The following GRM5 variants were observed in gnomAD, a reference collection of about 807,000 sequenced individuals.
The protein encoded by GRM5 is glutamate metabotropic receptor 5, also known as metabotropic glutamate receptor 5.
In GRM5, 19 loss-of-function variants were observed where a neutral mutation model predicts 83.1. The observed-to-expected ratio is 0.23, with a 90% CI of 0.16 to 0.34. The LOEUF (loss-of-function observed/expected upper bound fraction) is 0.34. GRM5 is among the 10% of genes least tolerant of loss of function. The probability of loss-of-function intolerance (pLI) is 1.00; values close to 1 mark genes in which losing one functional copy is unlikely to be tolerated. For missense variants in GRM5, 1,160 were observed against 1,588.3 expected (o/e 0.73, Z 4.58); for synonymous variants, 675 against 633.6 (o/e 1.07, Z -0.98).
intron 7 of GRM5, among the ~76,000 whole-genome samples, chr11:88,579,535 G>A (rs1943183790): frequency 6.6e-6 from 1 of 152,152 alleles, no homozygotes; most frequent in South Asian, 2.1e-4. Context: ...ATTTGAGCAA[G>A]GACTTGAGGA....
intron 3 of GRM5, among the ~76,000 whole-genome samples, chr11:88,706,693 A>T (rs1228588647): frequency 6.6e-6 from 1 of 152,106 alleles, no homozygotes; most frequent in Non-Finnish European, 1.5e-5. Flanking sequence ...CCCAGAAATA[A>T]TACAGAAAAT....
chr11:88,646,672 A>C (rs1939462476), intron 4 of GRM5, among the ~76,000 whole-genome samples: 1 of 151,402 alleles, frequency 6.6e-6, no homozygotes, highest in South Asian at 2.1e-4. Flanking sequence ...TGCATACTTG[A>C]AAAGGTGAAA....
chr11:88,830,838 G>A (rs893307608), intron 3 of GRM5, among the ~76,000 whole-genome samples: 6 of 152,116 alleles, frequency 3.9e-5, no homozygotes, highest in Non-Finnish European at 8.8e-5. Context: ...ACGTGCCTGG[G>A]GAGACCTCAC....
chr11:88,769,201 AT>A (rs1420576785), intron 3 of GRM5, among the ~76,000 whole-genome samples: 1 of 152,022 alleles, frequency 6.6e-6, no homozygotes, highest in African/African-American at 2.4e-5. Flanking sequence ...TGGAGTGGGA[AT>A]TTGTGGATTG....
chr11:89,061,047 C>G (rs1941980936), intron 1 of GRM5, among the ~76,000 whole-genome samples: 1 of 152,036 alleles, frequency 6.6e-6, no homozygotes, highest in Admixed American at 6.6e-5. Flanking sequence ...TATATCCAAC[C>G]TCTAAACCAG....
intron 2 of GRM5, among the ~76,000 whole-genome samples, chr11:88,857,917 G>GTGAAA (rs1401928321): frequency 6.6e-6 from 1 of 152,026 alleles, no homozygotes; most frequent in Non-Finnish European, 1.5e-5. Context: ...TATGATTAAT[G>GTGAAA]TGAAAGTTTT....
chr11:88,713,676 G>T (rs927057035), intron 3 of GRM5, among the ~76,000 whole-genome samples: 3 of 151,970 alleles, frequency 2.0e-5, no homozygotes, highest in Non-Finnish European at 4.4e-5. Context: ...ATCATAGAAA[G>T]AAAAACAACA....
At chr11:89,023,578 G>T (rs1385774867) in intron 2 of GRM5, among the ~76,000 whole-genome samples, 2 of 152,090 alleles carry the variant, frequency 1.3e-5, no homozygotes, top group Non-Finnish European at 2.9e-5. Flanking sequence ...AGGGGCTGTG[G>T]CTCACGCCTG....
chr11:88,600,240 TTCC>T (rs142212408), intron 5 of GRM5, among the ~76,000 whole-genome samples: 5,791 of 149,174 alleles, frequency 0.039, 243 homozygotes, highest in African/African-American at 0.099. Context: ...CTCCTCCTCC[TTCC>T]TCCTCCTCCT....
chr11:88,779,635 C>T (rs965463993), intron 3 of GRM5, among the ~76,000 whole-genome samples: 1 of 151,960 alleles, frequency 6.6e-6, no homozygotes, highest in African/African-American at 2.4e-5. Context: ...ACCCTCATAC[C>T]CACCCACGCA....
intron 8 of GRM5, among the ~76,000 whole-genome samples, chr11:88,542,431 CG>C (rs1942288158): frequency 6.6e-6 from 1 of 152,156 alleles, no homozygotes; most frequent in Admixed American, 6.5e-5. Flanking sequence ...AGCAAGCATA[CG>C]TAACAGGCAC....
rs150324601 is a variant in GRM5, at chr11:88,513,392, G to A, written c.2727-3888C>T. Among the ~76,000 whole-genome samples the A allele has an allele frequency of 5.9e-3, 901 of 152,224 alleles. 11 individuals carry two copies. The highest frequency in any genetic ancestry group is 0.02 in the African/African-American group (848 of 41,532). The stretch of plus-strand genomic sequence containing the variant: ...AAAATTTATACTGAATTGTTTTCCT[G>A]TTAGAATTAAGTTTTTAAAATAATT... On this transcript the variant is annotated intron_variant, in intron 9 of 9. Transcript: ENST00000305447.
At chr11:88,736,900 T>TAAG (rs1273244707) in intron 3 of GRM5, among the ~76,000 whole-genome samples, 1 of 152,066 alleles carries the variant, frequency 6.6e-6, no homozygotes, top group African/African-American at 2.4e-5. Flanking sequence ...ACCCCTATGC[T>TAAG]AAGTTTCCCG....
chr11:89,062,710 C>T (rs777694158), intron 1 of GRM5, among the ~76,000 whole-genome samples: 91 of 152,222 alleles, frequency 6.0e-4, no homozygotes, highest in Non-Finnish European at 1.0e-3. Flanking sequence ...GAAATGAGGG[C>T]AGCTGTAAAT....
chr11:89,029,733 T>C (rs1331431256), intron 2 of GRM5, among the ~76,000 whole-genome samples: 1 of 152,166 alleles, frequency 6.6e-6, no homozygotes, highest in African/African-American at 2.4e-5. Context: ...ACTGAAACTT[T>C]TTATTTCCTA....
intron 7 of GRM5, among the ~76,000 whole-genome samples, chr11:88,573,345 A>T (rs1428285043): frequency 6.6e-6 from 1 of 152,136 alleles, no homozygotes; most frequent in Non-Finnish European, 1.5e-5. Flanking sequence ...CACAGCTGGT[A>T]CTCATGCTTA....
intron 1 of GRM5, among the ~76,000 whole-genome samples, chr11:89,065,372 G>T (rs1031109300): frequency 1.3e-5 from 2 of 150,516 alleles, no homozygotes; most frequent in Non-Finnish European, 3.0e-5. Flanking sequence ...GTATCCTTTG[G>T]CTCGGATCTT....
At chr11:88,829,787 T>G (rs1033424471) in intron 3 of GRM5, among the ~76,000 whole-genome samples, 4 of 152,128 alleles carry the variant, frequency 2.6e-5, no homozygotes, top group African/African-American at 7.2e-5. Flanking sequence ...AGAGAAATTT[T>G]TTGGATCAAA....
intron 3 of GRM5, among the ~76,000 whole-genome samples, chr11:88,834,975 C>T (rs1275185450): frequency 1.3e-5 from 2 of 151,498 alleles, no homozygotes; most frequent in Admixed American, 6.6e-5. Context: ...TCTATTACTG[C>T]CATTTTTCCC....
Sources: gnomAD v4.1 joint callset for allele counts (sites outside exome capture counted in the v4.1 genomes callset) on GRCh38, gnomAD v4.1.1 for gene constraint, MANE v1.5 for transcripts, NCBI Gene and HGNC (gene_info 2026-07-23, HGNC 2026-07-21) for gene names.